The following YEATS2 variants were observed in gnomAD, a reference collection of about 807,000 sequenced individuals.
The protein encoded by YEATS2 is YEATS domain containing 2.
A neutral mutation model predicts 163.2 loss-of-function variants in YEATS2; 77 were observed. That is an observed-to-expected ratio of 0.47 (90% confidence interval 0.39 to 0.57). The LOEUF (loss-of-function observed/expected upper bound fraction) is 0.57. YEATS2 is among the 20% of genes least tolerant of loss of function. The probability of loss-of-function intolerance (pLI) is 0.00; values close to 1 mark genes in which losing one functional copy is unlikely to be tolerated. For synonymous variants in YEATS2, 631 were observed against 645.1 expected (o/e 0.98, Z 0.33); for missense variants, 1,549 against 1,729.8 (o/e 0.90, Z 1.85).
At chr3:183,719,739 G>A (rs192230196) in intron 4 of YEATS2, among the ~76,000 whole-genome samples, 32 of 151,888 alleles carry the variant, frequency 2.1e-4, no homozygotes, top group Non-Finnish European at 3.7e-4. Flanking sequence ...TCACAAGCAC[G>A]ATCATAGCTT....
chr3:183,810,136 G>A (rs2108548577), intron 30 of YEATS2: 1 of 214,314 alleles, frequency 4.7e-6, no homozygotes, highest in South Asian at 7.0e-5. Context: ...TGGGAAATAA[G>A]GTCCCAGAGT....
chr3:183,729,986 G>A (rs1018000732), intron 7 of YEATS2, among the ~76,000 whole-genome samples: 34 of 147,348 alleles, frequency 2.3e-4, no homozygotes, highest in Admixed American at 4.1e-4. Context: ...CACCATGCCC[G>A]GCCTTATTCT....
In YEATS2 at chr3:183,747,716, G is replaced by A. The variant is rs757369538; in HGVS notation, c.969G>A (p.Thr323=). ...YTGLQTLGAE[T]VVDVELHRHS... ...GCTTGCAGACTCTTGGAGCAGAGACGGTAGGTTTTTTTCCTACAGTATTAT... is the reference window on the plus strand; with the variant it reads ...GCTTGCAGACTCTTGGAGCAGAGACAGTAGGTTTTTTTCCTACAGTATTAT... The change falls in exon 9 of 31, where the codon ACG becomes ACA. Residue 323 remains threonine, a splice_region_variant and synonymous_variant. Transcript: ENST00000305135. 3 of 1,612,186 alleles carry A rather than the reference G, an allele frequency of 1.9e-6. No individual in the cohort carries two copies. The highest frequency in any genetic ancestry group is 2.2e-5 in the East Asian group (1 of 44,770).
chr3:183,709,138 C>T (rs1449726748), intron 1 of YEATS2, among the ~76,000 whole-genome samples: 4 of 150,828 alleles, frequency 2.7e-5, no homozygotes, highest in South Asian at 2.1e-4. Flanking sequence ...CCAGCCTGGG[C>T]GACAAAAGTG....
chr3:183,799,934 G>T (rs570119468), intron 23 of YEATS2, among the ~76,000 whole-genome samples: 123 of 148,904 alleles, frequency 8.3e-4, no homozygotes, highest in African/African-American at 2.8e-3. Flanking sequence ...CCAGGTTCAC[G>T]CCATTCTCCT....
chr3:183,723,188 CAAAT>C (rs1034136448), intron 5 of YEATS2, among the ~76,000 whole-genome samples: 1 of 152,204 alleles, frequency 6.6e-6, no homozygotes, highest in Non-Finnish European at 1.5e-5. Flanking sequence ...GGAAATTTGA[CAAAT>C]AAACAGAATT....
rs1176429941 is a variant in YEATS2 at position 183,707,678 on chromosome 3, A to ATTTTTTT, written c.-19-7449_-19-7443dup. ...ATTGTACTACTCCCCTTCCCCACCT[A>ATTTTTTT]TTTTTTTTTTTTTTTTTTTTTTTGA... On this transcript the variant is annotated intron_variant, in intron 1 of 30. Coordinates refer to ENST00000305135, the MANE Select transcript of YEATS2 (RefSeq NM_018023.5). 5.9e-4 allele frequency among the ~76,000 whole-genome samples: 63 copies of ATTTTTTT among 106,114 alleles called. 1 individual carries two copies. The highest frequency in any genetic ancestry group is 1.8e-3 in the African/African-American group (48 of 26,538). 69.6% of individuals were successfully genotyped at this position (106,114 alleles called of 152,430 possible).
At chr3:183,779,332 T>C (rs1005548365) in intron 19 of YEATS2, among the ~76,000 whole-genome samples, 3 of 152,242 alleles carry the variant, frequency 2.0e-5, no homozygotes, top group East Asian at 1.9e-4. Flanking sequence ...TGTTCTTTTT[T>C]GTCGAATGTC....
intron 6 of YEATS2, among the ~76,000 whole-genome samples, chr3:183,726,255 A>C (rs990808363): frequency 7.9e-5 from 12 of 152,192 alleles, no homozygotes; most frequent in African/African-American, 2.4e-4. Flanking sequence ...AATGTGTGTA[A>C]GTTTGGAAGA....
chr3:183,754,443 T>C, intron 11 of YEATS2, 78 bp downstream of exon 11: 10 of 1,511,418 alleles, frequency 6.6e-6, no homozygotes, highest in Non-Finnish European at 8.9e-6. Flanking sequence ...ACAAAATACT[T>C]GGCTTTTTTT....
At chr3:183,795,988 T>G (rs1187448691) in intron 21 of YEATS2, among the ~76,000 whole-genome samples, 4 of 148,238 alleles carry the variant, frequency 2.7e-5, no homozygotes, top group Non-Finnish European at 4.5e-5. Context: ...GGGTTTTTTT[T>G]TTTTTTTTTT....
At chr3:183,716,272 A>G (rs940666856) in intron 2 of YEATS2, among the ~76,000 whole-genome samples, 14 of 152,206 alleles carry the variant, frequency 9.2e-5, no homozygotes, top group Non-Finnish European at 1.3e-4. Flanking sequence ...CTAAATTTAC[A>G]TTATTAAAAC....
intron 8 of YEATS2, among the ~76,000 whole-genome samples, chr3:183,740,949 A>G (rs1718889936): frequency 6.6e-6 from 1 of 151,636 alleles, no homozygotes; most frequent in African/African-American, 2.4e-5. Context: ...TTTTATTTTT[A>G]TTTTTTTGAG....
At position 183,786,245 on chromosome 3, in the gene YEATS2, A is replaced by T; in HGVS notation, c.2857A>T (p.Ile953Phe). The part of the protein sequence containing the change: ...TTMLRVAGGV[I>F]TTATSPAVAL... The stretch of plus-strand genomic sequence containing the variant: ...AATGCTGAGAGTAGCAGGAGGGGTT[A>T]TCACAACTGCCACTTCCCCTGCCGT... The change falls in exon 20 of 31, where the codon ATC becomes TTC. Residue 953 changes from isoleucine (I) to phenylalanine (F), a missense_variant. Transcript: ENST00000305135. 1 of 1,614,174 alleles carries T rather than the reference A, an allele frequency of 6.2e-7. No homozygotes were observed. The highest frequency in any genetic ancestry group is 1.1e-5 in the South Asian group (1 of 91,078).
intron 6 of YEATS2, among the ~76,000 whole-genome samples, chr3:183,727,468 G>A (rs1335695362): frequency 1.3e-5 from 2 of 152,092 alleles, no homozygotes; most frequent in East Asian, 3.9e-4. Flanking sequence ...AAATCAATCT[G>A]TAGGTATTCC....
At chr3:183,755,998 G>A (rs1173506032) in intron 11 of YEATS2, among the ~76,000 whole-genome samples, 1 of 151,766 alleles carries the variant, frequency 6.6e-6, no homozygotes, top group Non-Finnish European at 1.5e-5. Flanking sequence ...CGCCTGCCTC[G>A]GCCTCCCAAA....
At chr3:183,704,845 T>C (rs1266260169) in intron 1 of YEATS2, among the ~76,000 whole-genome samples, 2 of 152,142 alleles carry the variant, frequency 1.3e-5, no homozygotes, top group Non-Finnish European at 2.9e-5. Context: ...GCCAGGCTAG[T>C]TTCAAACTCC....
At chr3:183,738,180 C>T (rs545041399) in intron 8 of YEATS2, among the ~76,000 whole-genome samples, 1 of 151,850 alleles carries the variant, frequency 6.6e-6, no homozygotes, top group Non-Finnish European at 1.5e-5. Flanking sequence ...CCTTCCTATC[C>T]TCTGAGAACA....
chr3:183,767,740 C>T (rs185790805), intron 15 of YEATS2, among the ~76,000 whole-genome samples: 1 of 152,026 alleles, frequency 6.6e-6, no homozygotes, highest in East Asian at 1.9e-4. Flanking sequence ...TGGTCTCAAA[C>T]TCCTGACCTC....
Sources: gnomAD v4.1 joint callset for allele counts (sites outside exome capture counted in the v4.1 genomes callset) on GRCh38, gnomAD v4.1.1 for gene constraint, MANE v1.5 for transcripts, NCBI Gene and HGNC (gene_info 2026-07-23, HGNC 2026-07-21) for gene names.